PTPN18: variants seen among roughly 807,000 people sequenced by gnomAD.
PTPN18 encodes the protein protein tyrosine phosphatase non-receptor type 18.
PTPN18 carries 65 observed loss-of-function variants against 65.4 expected under a neutral mutation model. That is an observed-to-expected ratio of 0.99 (90% CI 0.81 to 1.22). PTPN18 has a LOEUF of 1.22. PTPN18 is among the 50% of genes most tolerant of loss of function. PTPN18 has a pLI of 0.00. For missense variants in PTPN18, 616 were observed against 646.5 expected (o/e 0.95, Z 0.51); for synonymous variants, 255 against 267.8 (o/e 0.95, Z 0.47).
In PTPN18 at chr2:130,358,955, G is replaced by C; in HGVS notation, c.182G>C (p.Arg61Pro). 6.2e-7 allele frequency: 1 copy of C among 1,614,148 alleles called. No homozygotes were observed. Among genetic ancestry groups the C allele is most frequent in the East Asian group, 2.2e-5 (1 of 44,886 alleles). Residue 61 changes from arginine (R) to proline (P), a missense_variant, in exon 2 of 15, where the codon CGC becomes CCC. Physicochemically the swap from Arg to Pro is moderately radical, Grantham distance 103. Coordinates refer to ENST00000175756, the MANE Select transcript of PTPN18 (RefSeq NM_014369.4). ...CGGCCAGAGAACGTGAGGAAGAACC[G>C]CTACAAAGACGTGCTGCCTTGTAAG... is the stretch of plus-strand genomic sequence containing the variant. ...GSRPENVRKN[R>P]YKDVLPYDQT...
chr2:130,363,706 T>A (rs1479869085), intron 5 of PTPN18, among the ~76,000 whole-genome samples: 7 of 152,228 alleles, frequency 4.6e-5, no homozygotes, highest in Non-Finnish European at 1.0e-4. Flanking sequence ...GAAATTGGGT[T>A]CTTTCTACTT....
chr2:130,369,340 T>A, intron 6 of PTPN18, 139 bp downstream of exon 6: 2 of 759,820 alleles, frequency 2.6e-6, no homozygotes, highest in Non-Finnish European at 4.3e-6. Context: ...AGTTAGAACT[T>A]ACTATAGGGA....
At chr2:130,371,078 C>T (rs1680549453) in intron 11 of PTPN18, 114 bp downstream of exon 11, 2 of 1,360,408 alleles carry the variant, frequency 1.5e-6, no homozygotes, top group Non-Finnish European at 2.0e-6. Context: ...CTATGACATC[C>T]ACCTGTGCCC....
intron 13 of PTPN18, 121 bp from the exon 14 acceptor site, chr2:130,372,752 T>A: frequency 8.0e-7 from 1 of 1,249,556 alleles, no homozygotes; most frequent in African/African-American, 1.5e-5. Flanking sequence ...GTGTGCCTTC[T>A]CCCGCCCGGC....
rs768308407 is a variant in PTPN18, at chr2:130,369,198, T to C, written c.480T>C (p.Thr160=). The change falls in exon 6 of 15, where the codon ACT becomes ACC. Residue 160 remains threonine (T), a synonymous_variant. Transcript: ENST00000175756. ...TGCAGACTGGGCTTTTCTGCATCAC[T>C]CTGGTGAGCTGTGGGAGTTTTCAAG... The part of the protein sequence containing the change: ...EPLQTGLFCI[T]LIKEKWLNED... 2.5e-6 allele frequency: 4 copies of C among 1,612,782 alleles called. No individual in the cohort carries two copies. In the Admixed American group the frequency reaches 6.7e-5, roughly 27 times the overall value.
In PTPN18 at chr2:130,369,813, G is replaced by T. The variant is rs759479761; in HGVS notation, c.532G>T (p.Val178Phe). The change falls in exon 7 of 15, where the codon GTC becomes TTC. Residue 178 changes from valine to phenylalanine, a missense_variant. Val to Phe is a conservative substitution (Grantham distance 50). Transcript: ENST00000175756. ...GGACATCATGCTCAGGACCCTCAAG[G>T]TCACATTCCAGAAGGTACTGTGACA... The part of the protein sequence containing the change: ...NEDIMLRTLK[V>F]TFQKESRSVY... The T allele has an allele frequency of 6.2e-7, 1 of 1,601,186 alleles. No individual in the cohort carries two copies. Among genetic ancestry groups the T allele is most frequent in the Non-Finnish European group, 8.6e-7 (1 of 1,168,670 alleles).
At chr2:130,363,582 T>C (rs1680294004) in intron 5 of PTPN18, among the ~76,000 whole-genome samples, 1 of 152,260 alleles carries the variant, frequency 6.6e-6, no homozygotes, top group African/African-American at 2.4e-5. Flanking sequence ...TTTCATATAA[T>C]TGAATCACAT....
In PTPN18 at chr2:130,371,231, C is replaced by T. The variant is rs1680555360; in HGVS notation, c.957C>T (p.Phe319=). ...NCAPLYDDAL[F]LRTPQALLAI... Reference sequence around the variant, plus strand: ...CCCCACTCTACGACGATGCCCTCTTCCTCCGGACTCCCCAGGCACTTCTCG... The same window carrying T: ...CCCCACTCTACGACGATGCCCTCTTTCTCCGGACTCCCCAGGCACTTCTCG... Residue 319 remains phenylalanine (F), a synonymous_variant, in exon 12 of 15, where the codon TTC becomes TTT. Transcript: ENST00000175756. The T allele has an allele frequency of 1.9e-6, 3 of 1,610,876 alleles. No individual in the cohort carries two copies. The highest frequency in any genetic ancestry group is 1.1e-5 in the South Asian group (1 of 91,046).
intron 5 of PTPN18, among the ~76,000 whole-genome samples, chr2:130,366,015 TG>T (rs572202444): frequency 1.0e-3 from 155 of 152,348 alleles, no homozygotes; most frequent in African/African-American, 3.5e-3. Flanking sequence ...CTTCCAAATT[TG>T]TTCTTTTTTC....
Position 130,358,806 on chromosome 2 carries a change from C to G in PTPN18, c.94-61C>G, listed in dbSNP as rs187446187. On this transcript the variant is annotated intron_variant, in intron 1 of 14. Coordinates refer to ENST00000175756, the MANE Select transcript of PTPN18 (RefSeq NM_014369.4). ...GCAAGCGTGCCTAGGTGGCCTGGGA[C>G]TCTGACCTGGCTCCTCTCCTGTCTT... 2.6e-4 allele frequency: 379 copies of G among 1,453,436 alleles called. 2 individuals carry two copies. Among genetic ancestry groups the G allele is most frequent in the South Asian group, 9.0e-4 (74 of 82,452 alleles). The allele number at this position is 1,453,436 out of a possible 1,614,324, so 90.0% of individuals were successfully genotyped here. A position where few individuals can be genotyped will look rare whatever the true frequency, so the allele number is the denominator to read the frequency against.
At chr2:130,372,092 G>C (rs747851539) in intron 12 of PTPN18, 165 bp from the exon 13 acceptor site, 248 of 601,618 alleles carry the variant, frequency 4.1e-4, no homozygotes, top group Non-Finnish European at 6.1e-4. Context: ...CTTGCAGGGC[G>C]CTAGGGACAC....
rs750318855 is a variant in PTPN18 at position 130,369,143 on chromosome 2, A to G, written c.425A>G (p.Glu142Gly). The change falls in exon 6 of 15, where the codon GAG becomes GGG. Residue 142 changes from glutamate (E) to glycine (G), a missense_variant. By Grantham distance (98) the Glu-to-Gly change is moderately conservative. Around this residue, in one of 3 missense-constraint regions of PTPN18, gnomAD observed 223 missense variants for 210.0 expected, o/e 1.06. Transcript: ENST00000175756. ...CCTTACCTTTTGCAGAAAAGGTGTG[A>G]GCGGTACTGGGCCCAGGAGCAGGAG... ...REIENGRKRC[E>G]RYWAQEQEPL... The G allele has an allele frequency of 1.9e-6, 3 of 1,612,290 alleles. No homozygotes were observed. The highest frequency in any genetic ancestry group is 2.5e-6 in the Non-Finnish European group (3 of 1,179,060).
chr2:130,358,166 C>T (rs2104923558), intron 1 of PTPN18, among the ~76,000 whole-genome samples: 1 of 152,300 alleles, frequency 6.6e-6, no homozygotes, highest in South Asian at 2.1e-4. Context: ...TAGGTGTTCC[C>T]ACTACACAAG....
At chr2:130,368,148 TTTGTAA>T (rs1680445682) in intron 5 of PTPN18, among the ~76,000 whole-genome samples, 1 of 152,208 alleles carries the variant, frequency 6.6e-6, no homozygotes, top group Non-Finnish European at 1.5e-5. Context: ...TTTGAGTGTA[TTTGTAA>T]TAGCCATTTT....
rs778538630 is a variant in PTPN18, at chr2:130,370,990, C to G, written c.924+26C>G. The stretch of plus-strand genomic sequence containing the variant: ...GTACAGAGGCTCCTTTCCCACTCTC[C>G]TGTCCACCATCAGCACCCTCAGAGA... On this transcript the variant is annotated intron_variant, in intron 11 of 14. Coordinates refer to ENST00000175756, the MANE Select transcript of PTPN18 (RefSeq NM_014369.4). The G allele has an allele frequency of 2.5e-6, 4 of 1,604,526 alleles. No homozygotes were observed. In the Admixed American group the frequency reaches 6.7e-5, roughly 27 times the overall value.
chr2:130,372,879 C>G lies in PTPN18; in HGVS notation c.1247C>G (p.Ala416Gly), dbSNP rs140560830. 9 of 1,614,044 alleles carry G rather than the reference C, an allele frequency of 5.6e-6. No individual in the cohort carries two copies. The highest frequency in any genetic ancestry group is 7.6e-6 in the Non-Finnish European group (9 of 1,180,026). ...ARGTLPGRVP[A>G]DQSPAGSGAY... The stretch of plus-strand genomic sequence containing the variant: ...GGGGGTCTGCTGCCCTCAGTTCCTG[C>G]TGACCAAAGTCCTGCCGGATCTGGC... The change falls in exon 14 of 15, where the codon GCT (alanine) becomes GGT (glycine). Residue 416 changes from alanine (A) to glycine (G), a missense_variant. Around this residue, in one of 3 missense-constraint regions of PTPN18, gnomAD observed 368 missense variants for 386.7 expected, o/e 0.95. Transcript: ENST00000175756.
At chr2:130,372,852 T>G (rs768866884) in intron 13 of PTPN18, 21 bp from the exon 14 acceptor site, 2 of 1,612,798 alleles carry the variant, frequency 1.2e-6, no homozygotes, top group Non-Finnish European at 1.7e-6. Flanking sequence ...AGCTGACCCG[T>G]GGGGGGTCTG....
At chr2:130,362,851 G>C (rs1000251010) in intron 5 of PTPN18, among the ~76,000 whole-genome samples, 1 of 151,932 alleles carries the variant, frequency 6.6e-6, no homozygotes, top group Non-Finnish European at 1.5e-5. Flanking sequence ...ACGGAGCCTC[G>C]CTCTGTCCTC....
chr2:130,369,746 C>A lies in PTPN18; in HGVS notation c.484-19C>A. 6.4e-7 allele frequency: 1 copy of A among 1,560,918 alleles called. No individual in the cohort carries two copies. The highest frequency in any genetic ancestry group is 1.1e-5 in the South Asian group (1 of 89,706). On this transcript the variant is annotated intron_variant, in intron 6 of 14. Transcript: ENST00000175756. ...TTGTTCTCCTCCCTCTTCTTACTTG[C>A]CCCACCCCCCTTACTCAGATAAAGG...
Sources: allele counts gnomAD v4.1 joint callset (sites outside exome capture counted in the v4.1 genomes callset), GRCh38; gene constraint gnomAD v4.1.1; regional missense constraint gnomAD v4.1.1; transcripts MANE v1.5; gene names NCBI Gene and HGNC (gene_info 2026-07-23, HGNC 2026-07-21).